The following RNF115 variants were observed in gnomAD, a reference collection of about 807,000 sequenced individuals.
RNF115 encodes the protein ring finger protein 115, also known as E3 ubiquitin-protein ligase RNF115.
RNF115 carries 31 observed loss-of-function variants against 39.2 expected under a neutral mutation model. That is an observed-to-expected ratio of 0.79 (90% CI 0.59 to 1.07). The LOEUF (loss-of-function observed/expected upper bound fraction) is 1.07. RNF115 is among the 50% of genes least tolerant of loss of function. RNF115 has a pLI of 0.00. For synonymous variants in RNF115, 124 were observed against 131.0 expected (o/e 0.95, Z 0.37); for missense variants, 384 against 381.7 (o/e 1.01, Z -0.05).
At chr1:145,818,275 T>C (rs1479334496) in intron 1 of RNF115, among the ~76,000 whole-genome samples, 2 of 152,056 alleles carry the variant, frequency 1.3e-5, no homozygotes, top group Non-Finnish European at 2.9e-5. Flanking sequence ...TCTTTAACTT[T>C]CTAATAATAG....
intron 1 of RNF115, among the ~76,000 whole-genome samples, chr1:145,807,138 C>T (rs1372999798): frequency 6.6e-6 from 1 of 152,106 alleles, no homozygotes; most frequent in Non-Finnish European, 1.5e-5. Context: ...AATCTAGTGC[C>T]TGTTATTTTA....
At chr1:145,822,689 G>A (rs1416598386) in intron 1 of RNF115, among the ~76,000 whole-genome samples, 1 of 150,844 alleles carries the variant, frequency 6.6e-6, no homozygotes, top group South Asian at 2.1e-4. Context: ...GGAGCTCCTC[G>A]TAGTAGCTAC....
At chr1:145,813,693 A>C (rs1463404585) in intron 1 of RNF115, among the ~76,000 whole-genome samples, 1 of 151,980 alleles carries the variant, frequency 6.6e-6, no homozygotes, top group Non-Finnish European at 1.5e-5. Context: ...GGTTTGCCTA[A>C]AATTATACGG....
intron 6 of RNF115, among the ~76,000 whole-genome samples, chr1:145,750,827 T>G (rs1553712373): frequency 6.6e-6 from 1 of 152,126 alleles, no homozygotes; most frequent in Admixed American, 6.5e-5. Flanking sequence ...AAAATGTAAC[T>G]GGTCCAAAAG....
chr1:145,771,936 A>G lies in RNF115; in HGVS notation c.220-17T>C, dbSNP rs782617157. 12 of 1,600,044 alleles carry G rather than the reference A, an allele frequency of 7.5e-6. No homozygotes were observed. The highest frequency in any genetic ancestry group is 1.7e-5 in the Admixed American group (1 of 58,408). The stretch of plus-strand genomic sequence containing the variant: ...GCCCCAAAGCTAGTAAAGACCAGAA[A>G]TAAGTCACATGTTAGAAAAATCAAT... On this transcript the variant is annotated splice_polypyrimidine_tract_variant and intron_variant, in intron 3 of 8. Coordinates refer to ENST00000582693, the MANE Select transcript of RNF115 (RefSeq NM_014455.4).
At chr1:145,790,959 T>C (rs1321818575) in intron 1 of RNF115, among the ~76,000 whole-genome samples, 3 of 151,786 alleles carry the variant, frequency 2.0e-5, no homozygotes, top group African/African-American at 7.3e-5. Context: ...CTTGCCAACA[T>C]GGTGAAACTC....
chr1:145,802,130 A>G (rs192734637), intron 1 of RNF115, among the ~76,000 whole-genome samples: 1 of 152,276 alleles, frequency 6.6e-6, no homozygotes, highest in African/African-American at 2.4e-5. Context: ...AAGCATAACA[A>G]AAAACCTAAG....
At chr1:145,763,977 T>G (rs1571721790) in intron 4 of RNF115, among the ~76,000 whole-genome samples, 1 of 143,666 alleles carries the variant, frequency 7.0e-6, no homozygotes, top group Non-Finnish European at 1.5e-5. Flanking sequence ...GAAGCTGGAC[T>G]GTACTGCTGC....
intron 4 of RNF115, among the ~76,000 whole-genome samples, chr1:145,760,618 T>G (rs1358948911): frequency 6.6e-6 from 1 of 152,158 alleles, no homozygotes; most frequent in East Asian, 1.9e-4. Flanking sequence ...GCCTTTCACC[T>G]CCCACCATGA....
At chr1:145,762,865 TG>T (rs1234763331) in intron 4 of RNF115, among the ~76,000 whole-genome samples, 1 of 152,126 alleles carries the variant, frequency 6.6e-6, no homozygotes, top group Non-Finnish European at 1.5e-5. Flanking sequence ...TGCAGCAACA[TG>T]AATATAGCTG....
Position 145,764,026 on chromosome 1 carries a change from G to A in RNF115, c.428+7685C>T, listed in dbSNP as rs984624616. Among the ~76,000 whole-genome samples the A allele has an allele frequency of 4.6e-5, 7 of 152,034 alleles. No homozygotes were observed. The East Asian group carries it at 9.7e-4, about 21-fold the overall frequency. The stretch of plus-strand genomic sequence containing the variant: ...TGCAACCTCCCTGCCTGATTCTCCT[G>A]CCTCAGCCTGCCAAGTGCCTGCTAT... On this transcript the variant is annotated intron_variant, in intron 4 of 8. Coordinates refer to ENST00000582693, the MANE Select transcript of RNF115 (RefSeq NM_014455.4).
At chr1:145,783,471 T>C (rs942147607) in intron 3 of RNF115, among the ~76,000 whole-genome samples, 1 of 152,208 alleles carries the variant, frequency 6.6e-6, no homozygotes, top group African/African-American at 2.4e-5. Context: ...TCTTATTAAA[T>C]ATCACTTTTC....
At chr1:145,792,362 A>G (rs1413219640) in intron 1 of RNF115, among the ~76,000 whole-genome samples, 2 of 152,084 alleles carry the variant, frequency 1.3e-5, no homozygotes, top group African/African-American at 2.4e-5. Flanking sequence ...ATGGGGTCTC[A>G]TTCTGTCACC....
chr1:145,740,535 A>G lies in RNF115; in HGVS notation c.*6331T>C, dbSNP rs1278705488. The stretch of plus-strand genomic sequence containing the variant: ...CAATTGCCTTCAAATAAGCCTACAA[A>G]TTTTCATGCATAATAGGTGGTTTTC... On this transcript the variant is annotated 3_prime_UTR_variant, in exon 9 of 9. Transcript: ENST00000582693. The G allele has an allele frequency of 1.3e-5, 2 of 152,216 alleles. No homozygotes were observed. Among genetic ancestry groups the G allele is most frequent in the African/African-American group, 4.8e-5 (2 of 41,456 alleles). The allele number at this position is 152,216 out of a possible 1,614,324, so 9.4% of individuals were successfully genotyped here.
rs1294115536 is a variant in RNF115, at chr1:145,742,670, TTGTC to T, written c.*4192_*4195del. The T allele has an allele frequency of 5.0e-4, 76 of 152,344 alleles. No individual in the cohort carries two copies. Among genetic ancestry groups the T allele is most frequent in the African/African-American group, 1.7e-3 (71 of 41,576 alleles). The allele number at this position is 152,344 out of a possible 1,614,324, so 9.4% of individuals were successfully genotyped here. ...CATTGTGAAATGTGCATACACGTGT[TTGTC>T]TGTGAATATATAAATATCTCTATTT... On this transcript the variant is annotated 3_prime_UTR_variant, in exon 9 of 9. Coordinates refer to ENST00000582693, the MANE Select transcript of RNF115 (RefSeq NM_014455.4).
Position 145,740,609 on chromosome 1 carries a change from G to A in RNF115, c.*6257C>T, listed in dbSNP as rs1358549454. Reference sequence around the variant, plus strand: ...CTGTATGAGTGATTCACAAACACGGGTTTTGAACCTGTGAGGCCATGAGGT... The same window carrying A: ...CTGTATGAGTGATTCACAAACACGGATTTTGAACCTGTGAGGCCATGAGGT... On this transcript the variant is annotated 3_prime_UTR_variant, in exon 9 of 9. Coordinates refer to ENST00000582693, the MANE Select transcript of RNF115 (RefSeq NM_014455.4). 1 of 152,186 alleles carries A rather than the reference G, an allele frequency of 6.6e-6. No homozygotes were observed. The highest frequency in any genetic ancestry group is 2.4e-5 in the African/African-American group (1 of 41,434). 9.4% of individuals were successfully genotyped at this position (152,186 alleles called of 1,614,324 possible). A position where few individuals can be genotyped will look rare whatever the true frequency, so the allele number is the denominator to read the frequency against.
At chr1:145,758,346 T>C (rs977384134) in intron 4 of RNF115, among the ~76,000 whole-genome samples, 1 of 152,142 alleles carries the variant, frequency 6.6e-6, no homozygotes, top group African/African-American at 2.4e-5. Context: ...GTCATGTGAG[T>C]GAGCCATCTT....
rs1657672887 is a variant in RNF115 at position 145,740,878 on chromosome 1, G to C, written c.*5988C>G. ...TTGTTTTGAGACAGGGTCTCTCTCT[G>C]TTGCCCTGGAGTGCAGTGGCACAAT... On this transcript the variant is annotated 3_prime_UTR_variant, in exon 9 of 9. Transcript: ENST00000582693. 1.3e-5 allele frequency: 2 copies of C among 152,164 alleles called. No individual in the cohort carries two copies. The highest frequency in any genetic ancestry group is 2.1e-4 in the South Asian group (1 of 4,832). 9.4% of individuals were successfully genotyped at this position (152,164 alleles called of 1,614,324 possible). A position where few individuals can be genotyped will look rare whatever the true frequency, so the allele number is the denominator to read the frequency against.
At chr1:145,803,084 T>C (rs917624093) in intron 1 of RNF115, among the ~76,000 whole-genome samples, 1 of 152,152 alleles carries the variant, frequency 6.6e-6, no homozygotes, top group Non-Finnish European at 1.5e-5. Flanking sequence ...CTCTCAACTC[T>C]CCTTCAAGAA....
Sources: gnomAD v4.1 joint callset for allele counts (sites outside exome capture counted in the v4.1 genomes callset) on GRCh38, gnomAD v4.1.1 for gene constraint, MANE v1.5 for transcripts, NCBI Gene and HGNC (gene_info 2026-07-23, HGNC 2026-07-21) for gene names.